The following TGM4 variants were observed in gnomAD, a reference collection of about 807,000 sequenced individuals.
The protein encoded by TGM4 is transglutaminase 4.
TGM4 carries 61 observed loss-of-function variants against 76.3 expected under a neutral mutation model. That is an observed-to-expected ratio of 0.80 (90% CI 0.65 to 0.99). The LOEUF (loss-of-function observed/expected upper bound fraction) is 0.99. Among genes scored for constraint, TGM4 ranks in the 50% least tolerant of loss-of-function variants. The pLI is 0.00. For synonymous variants in TGM4, 337 were observed against 329.8 expected (o/e 1.02, Z -0.24); for missense variants, 794 against 843.2 (o/e 0.94, Z 0.72).
At chr3:44,913,433 A>T in intron 13 of TGM4, 151 bp from the exon 14 acceptor site, 1 of 891,942 alleles carries the variant, frequency 1.1e-6, no homozygotes, top group Non-Finnish European at 1.6e-6. Context: ...CCCAGGGTGC[A>T]GGTACACTGT....
chr3:44,910,624 G>A (rs1047912525), intron 11 of TGM4, among the ~76,000 whole-genome samples: 1 of 152,202 alleles, frequency 6.6e-6, no homozygotes, highest in Non-Finnish European at 1.5e-5. Context: ...AAAGTGTCAT[G>A]AGAAGTCTTC....
In TGM4 at chr3:44,901,768, ACCACC is replaced by A; in HGVS notation, c.833-18_833-14del. 1.2e-6 allele frequency: 2 copies of A among 1,613,336 alleles called. No individual in the cohort carries two copies. Among genetic ancestry groups the A allele is most frequent in the Non-Finnish European group, 1.7e-6 (2 of 1,179,420 alleles). On this transcript the variant is annotated intron_variant, in intron 7 of 13. Transcript: ENST00000296125. The stretch of plus-strand genomic sequence containing the variant: ...GGACTCCCAGCCCCCACAGTTGCCA[ACCACC>A]CCACCCTGGATCATTTCAGTGCTGA...
intron 5 of TGM4, among the ~76,000 whole-genome samples, chr3:44,896,268 C>A (rs113695951): frequency 6.6e-6 from 1 of 152,064 alleles, no homozygotes; most frequent in Non-Finnish European, 1.5e-5. Context: ...TGCACCACCA[C>A]GCCCGGCTAA....
chr3:44,895,727 A>G (rs1699770658), intron 5 of TGM4, among the ~76,000 whole-genome samples: 1 of 152,234 alleles, frequency 6.6e-6, no homozygotes, highest in Non-Finnish European at 1.5e-5. Context: ...ATTGTGGTCT[A>G]TTCCTTTTAT....
At chr3:44,903,820 C>A (rs909893630) in intron 8 of TGM4, 64 bp from the exon 9 acceptor site, 46 of 1,438,176 alleles carry the variant, frequency 3.2e-5, no homozygotes, top group Non-Finnish European at 4.0e-5. Context: ...GCAATTTTGG[C>A]GTATTTATCT....
chr3:44,900,176 C>T (rs1384705740), intron 6 of TGM4, among the ~76,000 whole-genome samples: 5 of 152,242 alleles, frequency 3.3e-5, no homozygotes, highest in Non-Finnish European at 7.3e-5. Flanking sequence ...CCCTACATTG[C>T]TCTATAGACG....
intron 10 of TGM4, among the ~76,000 whole-genome samples, chr3:44,909,562 TAAC>T (rs1348970615): frequency 2.0e-5 from 3 of 152,262 alleles, no homozygotes; most frequent in Non-Finnish European, 2.9e-5. Context: ...TTAGGTCAAT[TAAC>T]AACAATTCTC....
intron 13 of TGM4, among the ~76,000 whole-genome samples, chr3:44,912,060 A>G (rs1700012939): frequency 6.6e-6 from 1 of 152,130 alleles, no homozygotes; most frequent in Admixed American, 6.5e-5. Context: ...TGAACTCCTG[A>G]CCTCAGGTGA....
chr3:44,910,355 G>A lies in TGM4; in HGVS notation c.1593G>A (p.Gln531=). 2.5e-6 allele frequency: 4 copies of A among 1,613,564 alleles called. No homozygotes were observed. In the South Asian group the frequency reaches 3.3e-5, roughly 13 times the overall value. Residue 531 remains glutamine, a synonymous_variant, in exon 11 of 14, where the codon CAG becomes CAA. Coordinates refer to ENST00000296125, the MANE Select transcript of TGM4 (RefSeq NM_003241.4). ...AKLCDLNKTS[Q]IQGQVSEVTL... ...TGTGTGACCTCAATAAGACCTCGCA[G>A]ATCCAAGGTCAAGGTACCAGAACCA...
At chr3:44,875,634 A>C (rs903089779) in intron 1 of TGM4, among the ~76,000 whole-genome samples, 5 of 152,096 alleles carry the variant, frequency 3.3e-5, no homozygotes, top group Admixed American at 6.6e-5. Context: ...CTGACTCCCC[A>C]GCCCACAAGC....
Position 44,913,721 on chromosome 3 carries a change from A to G in TGM4, c.2051A>G (p.Lys684Arg), listed in dbSNP as rs1700041289. 1.2e-6 allele frequency: 2 copies of G among 1,613,274 alleles called. No homozygotes were observed. The highest frequency in any genetic ancestry group is 1.1e-5 in the South Asian group (1 of 90,910). The change falls in exon 14 of 14, where the codon AAG becomes AGG. Residue 684 changes from lysine to arginine, a missense_variant. Lys to Arg is a conservative substitution (Grantham distance 26). Coordinates refer to ENST00000296125, the MANE Select transcript of TGM4 (RefSeq NM_003241.4). ...GCTCAGAAGATTGTTCTCATCACCA[A>G]GTAGCCTTGTCTGATGCTGTGGAGC... Reference protein sequence around the residue: ...INAQKIVLITK With the variant: ...INAQKIVLITR
chr3:44,907,256 A>G, intron 10 of TGM4, 56 bp downstream of exon 10: 1 of 1,589,152 alleles, frequency 6.3e-7, no homozygotes, highest in South Asian at 1.1e-5. Flanking sequence ...CAGAACATGA[A>G]AATAGTCAAG....
In TGM4 at chr3:44,896,676, C is replaced by T. The variant is rs1699782156; in HGVS notation, c.550-33C>T. 1.9e-6 allele frequency: 3 copies of T among 1,607,870 alleles called. No individual in the cohort carries two copies. In the East Asian group the frequency reaches 6.7e-5, roughly 36 times the overall value. On this transcript the variant is annotated intron_variant, in intron 5 of 13. Transcript: ENST00000296125. The stretch of plus-strand genomic sequence containing the variant: ...TTAAGTTTCTGACACAGGGCAAAGT[C>T]TTAACTGCCTCTTTCTTCATTTCCC...
At chr3:44,891,359 C>CT (rs749146382) in intron 4 of TGM4, among the ~76,000 whole-genome samples, 28 of 100,652 alleles carry the variant, frequency 2.8e-4, no homozygotes, top group East Asian at 1.7e-3. Context: ...CCAAGGAGCT[C>CT]TTTTTTTTTA....
At chr3:44,887,426 G>A (rs60822809) in intron 2 of TGM4, among the ~76,000 whole-genome samples, 16,696 of 152,272 alleles carry the variant, frequency 0.11, 1,081 homozygotes, top group Middle Eastern at 0.17. Context: ...AGGAGCTCTA[G>A]GGAGACCTGG....
At chr3:44,877,106 A>C (rs1422269465) in intron 1 of TGM4, among the ~76,000 whole-genome samples, 1 of 152,042 alleles carries the variant, frequency 6.6e-6, no homozygotes, top group Non-Finnish European at 1.5e-5. Context: ...GGAGTTCGAG[A>C]CCAGCCTGGA....
At chr3:44,879,276 T>TATAC (rs1699497885) in intron 1 of TGM4, among the ~76,000 whole-genome samples, 1 of 143,498 alleles carries the variant, frequency 7.0e-6, no homozygotes, top group Non-Finnish European at 1.5e-5. Context: ...TATATATATA[T>TATAC]ATATATATAT....
At chr3:44,891,369 A>G (rs1699693890) in intron 4 of TGM4, among the ~76,000 whole-genome samples, 1 of 95,470 alleles carries the variant, frequency 1.0e-5, no homozygotes. Context: ...CTTTTTTTTT[A>G]ACTTGTATTT....
chr3:44,887,915 A>G (rs1414927728), intron 3 of TGM4, 120 bp downstream of exon 3: 1 of 837,514 alleles, frequency 1.2e-6, no homozygotes, highest in African/African-American at 1.7e-5. Context: ...AGCCATCCAC[A>G]GCACAGCATG....
Sources: gnomAD v4.1 joint callset for allele counts (sites outside exome capture counted in the v4.1 genomes callset) on GRCh38, gnomAD v4.1.1 for gene constraint, MANE v1.5 for transcripts, NCBI Gene and HGNC (gene_info 2026-07-23, HGNC 2026-07-21) for gene names.